IQCM: variants seen among roughly 807,000 people sequenced by gnomAD.
IQCM encodes the protein IQ motif containing M, also known as IQ domain-containing protein M.
IQCM carries 45 observed loss-of-function variants against 57.6 expected under a neutral mutation model. The observed-to-expected ratio is 0.78, with a 90% CI of 0.62 to 1.00. IQCM has a LOEUF of 1.00. Ranked by LOEUF, IQCM falls within the 50% of genes least tolerant of loss-of-function variation. The pLI is 0.00. For missense variants in IQCM, 468 were observed against 511.6 expected, an observed-to-expected ratio of 0.91 and a Z score of 0.82; for synonymous variants, 148 against 158.9, an observed-to-expected ratio of 0.93 and a Z score of 0.51.
At chr4:149,682,075 GAAAAT>G in intron 7 of IQCM, 38 bp downstream of exon 7, 1 of 758,396 alleles carries the variant, frequency 1.3e-6, no homozygotes, top group Non-Finnish European at 1.8e-6. Flanking sequence ...GCAAAATAAT[GAAAAT>G]CAATGTGCTG....
chr4:149,371,617 C>G (rs1237574181), intron 13 of IQCM, among the ~76,000 whole-genome samples: 1 of 152,038 alleles, frequency 6.6e-6, no homozygotes, highest in Non-Finnish European at 1.5e-5. Context: ...TCGGATTTTG[C>G]GATGAAAACT....
intron 13 of IQCM, among the ~76,000 whole-genome samples, chr4:149,419,319 G>C (rs752425833): frequency 7.9e-5 from 12 of 152,036 alleles, no homozygotes; most frequent in Non-Finnish European, 1.2e-4. Context: ...ACATAATAGA[G>C]AACTCAGAAA....
Position 149,665,171 on chromosome 4 carries a change from T to A in IQCM, c.565+16947A>T, listed in dbSNP as rs571411791. 3.3e-5 allele frequency among the ~76,000 whole-genome samples: 5 copies of A among 152,262 alleles called. No homozygotes were observed. In the East Asian group the frequency reaches 9.7e-4, roughly 30 times the overall value. On this transcript the variant is annotated intron_variant, in intron 7 of 13. Coordinates refer to ENST00000636793, the MANE Select transcript of IQCM (RefSeq NM_001363507.2). ...TCTGGTAGTAGGTCCAGCTTCAGGA[T>A]GGTGCCATTCCATAGCAACTTAAAT...
intron 7 of IQCM, among the ~76,000 whole-genome samples, chr4:149,655,204 TC>T (rs1759531609): frequency 6.6e-6 from 1 of 152,192 alleles, no homozygotes. Flanking sequence ...GACTGTATAT[TC>T]AGTCTCTCTT....
At chr4:149,442,783 C>T (rs1560843579) in intron 12 of IQCM, among the ~76,000 whole-genome samples, 1 of 151,964 alleles carries the variant, frequency 6.6e-6, no homozygotes, top group African/African-American at 2.4e-5. Flanking sequence ...TACTAATGGT[C>T]TGTTCAAGGA....
At chr4:149,603,306 G>A (rs550570337) in intron 8 of IQCM, among the ~76,000 whole-genome samples, 10 of 152,190 alleles carry the variant, frequency 6.6e-5, no homozygotes, top group African/African-American at 2.2e-4. Context: ...AAAGGCAAAG[G>A]TTAAAAGTTA....
chr4:149,595,948 T>A (rs1392924893), intron 8 of IQCM, among the ~76,000 whole-genome samples: 1 of 152,184 alleles, frequency 6.6e-6, no homozygotes. Flanking sequence ...GTAATAGCCA[T>A]GGCTTCAAAA....
intron 5 of IQCM, among the ~76,000 whole-genome samples, chr4:149,707,964 C>A (rs1456182475): frequency 6.6e-6 from 1 of 152,012 alleles, no homozygotes; most frequent in East Asian, 1.9e-4. Flanking sequence ...ACCAGGAAGA[C>A]AATTTGTGTG....
At chr4:149,366,944 A>G (rs1729886429) in intron 13 of IQCM, among the ~76,000 whole-genome samples, 1 of 152,058 alleles carries the variant, frequency 6.6e-6, no homozygotes, top group Admixed American at 6.6e-5. Context: ...AAAACTAATA[A>G]TGACAAACAA....
At chr4:149,735,142 ATG>A (rs1268842844) in intron 4 of IQCM, among the ~76,000 whole-genome samples, 1 of 152,196 alleles carries the variant, frequency 6.6e-6, no homozygotes, top group Non-Finnish European at 1.5e-5. Flanking sequence ...ATTGTATTAA[ATG>A]TACAAATTAA....
intron 13 of IQCM, among the ~76,000 whole-genome samples, chr4:149,424,969 A>G (rs766509986): frequency 5.5e-4 from 83 of 152,112 alleles, no homozygotes; most frequent in Non-Finnish European, 9.6e-4. Flanking sequence ...CTTGCAGTTT[A>G]ATGTGGAAAT....
chr4:149,415,417 G>A lies in IQCM; in HGVS notation c.1390+17979C>T, dbSNP rs1486777346. On this transcript the variant is annotated intron_variant, in intron 13 of 13. Coordinates refer to ENST00000636793, the MANE Select transcript of IQCM (RefSeq NM_001363507.2). ...AAAGTATCTATGTATTGCTTGCCTC[G>A]GTATTATGGAAATGATCACAGTGGT... is the stretch of plus-strand genomic sequence containing the variant. Among the ~76,000 whole-genome samples the A allele has an allele frequency of 1.2e-4, 18 of 152,072 alleles. 2 individuals are homozygous for A. The highest frequency in any genetic ancestry group is 5.9e-4 in the Admixed American group (9 of 15,272).
intron 12 of IQCM, among the ~76,000 whole-genome samples, chr4:149,491,088 C>T (rs1026027708): frequency 3.9e-5 from 6 of 152,036 alleles, no homozygotes; most frequent in Non-Finnish European, 2.9e-5. Flanking sequence ...TAAAACAATT[C>T]CTAGGCCTAA....
chr4:149,694,035 A>AT (rs940576266), intron 5 of IQCM, among the ~76,000 whole-genome samples: 2 of 152,068 alleles, frequency 1.3e-5, no homozygotes. Flanking sequence ...ACTGGGACTT[A>AT]TTTCCCTTGA....
intron 13 of IQCM, among the ~76,000 whole-genome samples, chr4:149,357,456 A>G (rs11935163): frequency 0.28 from 42,489 of 151,326 alleles, 6,072 homozygotes; most frequent in Middle Eastern, 0.33. Flanking sequence ...TAGCATGAAG[A>G]GTTGTTAAAT....
intron 13 of IQCM, among the ~76,000 whole-genome samples, chr4:149,372,132 C>T (rs1359210964): frequency 6.6e-6 from 1 of 152,278 alleles, no homozygotes; most frequent in East Asian, 1.9e-4. Flanking sequence ...AATGCCAAAG[C>T]TTGAGCTTTA....
intron 13 of IQCM, among the ~76,000 whole-genome samples, chr4:149,400,648 G>T (rs1453572104): frequency 6.6e-6 from 1 of 151,892 alleles, no homozygotes; most frequent in Admixed American, 6.6e-5. Flanking sequence ...CAGCCCTTCT[G>T]TATATTAAAA....
At chr4:149,387,701 C>G (rs1317269176) in intron 13 of IQCM, among the ~76,000 whole-genome samples, 3 of 151,806 alleles carry the variant, frequency 2.0e-5, no homozygotes, top group African/African-American at 7.3e-5. Context: ...TTTCATGAAC[C>G]ATAAATTTCA....
intron 12 of IQCM, among the ~76,000 whole-genome samples, chr4:149,499,264 A>G (rs1027347109): frequency 6.6e-6 from 1 of 152,190 alleles, no homozygotes; most frequent in Non-Finnish European, 1.5e-5. Flanking sequence ...TGAATATCAT[A>G]TATTACTCTT....
Sources: gnomAD v4.1 joint callset for allele counts (sites outside exome capture counted in the v4.1 genomes callset) on GRCh38, gnomAD v4.1.1 for gene constraint, MANE v1.5 for transcripts, NCBI Gene and HGNC (gene_info 2026-07-23, HGNC 2026-07-21) for gene names.